NBPF12: variants seen among roughly 807,000 people sequenced by gnomAD.
The protein encoded by NBPF12 is NBPF family member NBPF12.
In NBPF12, 115 loss-of-function variants were observed where a neutral mutation model predicts 146.4. The ratio of observed to expected loss-of-function variants is 0.79; its 90% CI spans 0.68 to 0.92. NBPF12 has a LOEUF of 0.92. Ranked by LOEUF, NBPF12 falls within the 40% of genes least tolerant of loss-of-function variation. The pLI is 0.00. For missense variants in NBPF12, 1,205 were observed against 1,326.8 expected (o/e 0.91, Z 1.43); for synonymous variants, 385 against 508.9 (o/e 0.76, Z 3.28).
At chr1:146,950,429 T>A in intron 1 of NBPF12, among the ~76,000 whole-genome samples, 1 of 151,872 alleles carries the variant, frequency 6.6e-6, no homozygotes, top group African/African-American at 2.4e-5. Flanking sequence ...TAGTTCAAAA[T>A]GAGGGAACAT....
At chr1:146,965,788 T>A (rs1656154020) in intron 8 of NBPF12, among the ~76,000 whole-genome samples, 1 of 18,496 alleles carries the variant, frequency 5.4e-5, no homozygotes, top group East Asian at 8.2e-3. Context: ...CGAGACTGCA[T>A]CTCAAAAAAA....
upstream of NBPF12, among the ~76,000 whole-genome samples, chr1:146,947,954 A>T (rs1330103679): frequency 6.6e-6 from 1 of 151,988 alleles, no homozygotes; most frequent in Non-Finnish European, 1.5e-5. Flanking sequence ...TAAAATTGAG[A>T]TGATACATTT....
intron 20 of NBPF12, 75 bp downstream of exon 23, chr1:146,983,166 G>T: frequency 2.6e-6 from 4 of 1,514,240 alleles, no homozygotes; most frequent in East Asian, 2.4e-5. Flanking sequence ...TGGGCCTTGT[G>T]CCCCTTGTTG....
At chr1:146,949,251 C>T (rs1391770957), upstream of NBPF12, 2 of 150,706 alleles carry the variant, frequency 1.3e-5, no homozygotes, top group African/African-American at 4.9e-5. Context: ...GTCTCTCCTT[C>T]CACCTAACGA....
At chr1:146,992,434 TTC>T (rs139645973) in intron 31 of NBPF12, among the ~76,000 whole-genome samples, 2,401 of 81,322 alleles carry the variant, frequency 0.03, 114 homozygotes, top group East Asian at 0.047. Context: ...ACTGAGCTCG[TTC>T]TCTCTCTCTC....
intron 16 of NBPF12, among the ~76,000 whole-genome samples, chr1:146,976,392 G>T (rs1553887336): frequency 7.6e-6 from 1 of 131,234 alleles, no homozygotes; most frequent in African/African-American, 3.0e-5. Flanking sequence ...GCCCCTCTCC[G>T]TGTGGTGTTG....
chr1:146,961,048 A>T (rs1655815667), intron 4 of NBPF12, among the ~76,000 whole-genome samples: 2 of 152,032 alleles, frequency 1.3e-5, no homozygotes. Context: ...CGGGTGGCTG[A>T]GGCAGAAGAA....
upstream of NBPF12, among the ~76,000 whole-genome samples, chr1:146,944,964 CTT>C (rs1654965964): frequency 1.3e-5 from 1 of 79,014 alleles, no homozygotes; most frequent in African/African-American, 7.1e-5. Context: ...TCCTCCCTCC[CTT>C]CCTCCCTCCC....
chr1:146,994,526 T>C (rs1395010694), exon 34 of NBPF12: 2 of 1,609,734 alleles, frequency 1.2e-6, no homozygotes, highest in Non-Finnish European at 8.5e-7. Context: ...ACTTTGACGG[T>C]GACAAGTCTC....
intron 9 of NBPF12, 26 bp downstream of exon 12, chr1:146,966,699 G>A (rs1233269242): frequency 7.2e-5 from 84 of 1,172,702 alleles, no homozygotes; most frequent in Non-Finnish European, 9.6e-5. Context: ...TCACCATCAC[G>A]AAAGTGATGA....
chr1:146,964,498 T>C, intron 7 of NBPF12, 69 bp downstream of exon 10: 1 of 1,591,020 alleles, frequency 6.3e-7, no homozygotes, highest in Non-Finnish European at 8.6e-7. Context: ...GCACACCCTC[T>C]CTGGCATCTA....
chr1:146,948,689 T>C (rs2101818924), upstream of NBPF12, among the ~76,000 whole-genome samples: 1 of 152,012 alleles, frequency 6.6e-6, no homozygotes, highest in African/African-American at 2.4e-5. Flanking sequence ...TACAGCCTCA[T>C]GGGAAGGGAA....
intron 9 of NBPF12, 34 bp downstream of exon 12, chr1:146,966,707 T>C (rs1656235448): frequency 8.8e-7 from 1 of 1,134,984 alleles, no homozygotes; most frequent in Non-Finnish European, 1.3e-6. Flanking sequence ...ACGAAAGTGA[T>C]GAACAACGTC....
Position 146,977,463 on chromosome 1 carries a change from CAG to C in NBPF12, c.2193-2_2193-1del. Reference sequence around the variant, plus strand: ...GTCATCTCTGTCCCACCTGGCTCATCAGGGAGATGCAGAAGGCTGAAGAAAAG... The same window carrying C: ...GTCATCTCTGTCCCACCTGGCTCATCGGAGATGCAGAAGGCTGAAGAAAAG... On this transcript the variant is annotated splice_acceptor_variant, in intron 17 of 33. Coordinates refer to ENST00000617844, the Ensembl canonical transcript of NBPF12. LOFTEE classifies it high-confidence loss of function. The C allele has an allele frequency of 6.8e-7, 1 of 1,473,526 alleles. No individual in the cohort carries two copies. The highest frequency in any genetic ancestry group is 1.1e-5 in the South Asian group (1 of 87,266). The allele number at this position is 1,473,526 out of a possible 1,614,324, so 91.3% of individuals were successfully genotyped here.
chr1:146,962,163 T>A (rs1273402077), exon 5 of NBPF12: 87 of 1,608,578 alleles, frequency 5.4e-5, no homozygotes, highest in Middle Eastern at 2.2e-4. Context: ...TTTCTCAGAG[T>A]ATGAAGAGTG....
intron 31 of NBPF12, among the ~76,000 whole-genome samples, chr1:146,992,423 C>T (rs1472638687): frequency 7.3e-6 from 1 of 137,780 alleles, no homozygotes; most frequent in Non-Finnish European, 1.5e-5. Flanking sequence ...CTGGACAATT[C>T]ACTGAGCTCG....
rs1432674308 is a variant in NBPF12 at position 146,964,794 on chromosome 1, A to G, written c.567-99A>G. 4,763 of 1,589,232 alleles carry G rather than the reference A, an allele frequency of 3.0e-3. 16 individuals are homozygous for G. Among genetic ancestry groups the G allele is most frequent in the Non-Finnish European group, 3.8e-3 (4,449 of 1,160,378 alleles). On this transcript the variant is annotated intron_variant, in intron 7 of 33. Coordinates refer to ENST00000617844, the Ensembl canonical transcript of NBPF12. Reference sequence around the variant, plus strand: ...AACCTCCATTTTGCTTTCTGGGACCACTCTCTTAATGCCGCCTGTCAAAAC... The same window carrying G: ...AACCTCCATTTTGCTTTCTGGGACCGCTCTCTTAATGCCGCCTGTCAAAAC...
rs1301251606 is a variant in NBPF12 at position 146,957,801 on chromosome 1, T to C, written c.-183-2058T>C. ...CGCCACGACTCTGCTAGCTGTGCAG[T>C]AGCCCTCGCTCCGCCACTTAAAAAA... is the stretch of plus-strand genomic sequence containing the variant. On this transcript the variant is annotated intron_variant, in intron 2 of 33. Transcript: ENST00000617844. The C allele has an allele frequency of 3.1e-5, 4 of 127,636 alleles. 1 individual carries two copies. The highest frequency in any genetic ancestry group is 5.4e-4 in the East Asian group (2 of 3,720). 7.9% of individuals were successfully genotyped at this position (127,636 alleles called of 1,614,324 possible). A position where few individuals can be genotyped will look rare whatever the true frequency, so the allele number is the denominator to read the frequency against.
intron 14 of NBPF12, among the ~76,000 whole-genome samples, chr1:146,973,327 T>A (rs1344000540): frequency 6.6e-6 from 1 of 151,808 alleles, no homozygotes; most frequent in Non-Finnish European, 1.5e-5. Context: ...TGTCTGAGAC[T>A]AGTGAACTTT....
Sources: gnomAD v4.1 joint callset for allele counts (sites outside exome capture counted in the v4.1 genomes callset) on GRCh38, gnomAD v4.1.1 for gene constraint, MANE v1.5 for transcripts, NCBI Gene and HGNC (gene_info 2026-07-23, HGNC 2026-07-21) for gene names.